Variants in ATP13A5 observed in about 807,000 individuals in gnomAD.
The protein encoded by ATP13A5 is probable cation-transporting ATPase 13A5.
In ATP13A5, 149 loss-of-function variants were observed where a neutral mutation model predicts 150.2. The observed-to-expected ratio is 0.99, with a 90% CI of 0.87 to 1.14. ATP13A5 has a LOEUF of 1.14. Among genes scored for constraint, ATP13A5 ranks in the 50% most tolerant of loss-of-function variants. The pLI, the probability that ATP13A5 is intolerant of heterozygous loss-of-function variation, is 0.00. For synonymous variants in ATP13A5, 497 were observed against 522.2 expected (o/e 0.95, Z 0.66); for missense variants, 1,383 against 1,449.3 (o/e 0.95, Z 0.74).
At chr3:193,300,818 G>T (rs1718367889) in intron 24 of ATP13A5, among the ~76,000 whole-genome samples, 1 of 152,094 alleles carries the variant, frequency 6.6e-6, no homozygotes, top group Admixed American at 6.6e-5. Context: ...TCCTTCAAAA[G>T]CAAATTCAAC....
At chr3:193,327,142 ATAT>A in intron 12 of ATP13A5, 85 bp from the exon 13 acceptor site, 1 of 1,190,510 alleles carries the variant, frequency 8.4e-7, no homozygotes, top group East Asian at 2.6e-5. Context: ...AGTTTCTAAG[ATAT>A]TATAGTAGAT....
intron 17 of ATP13A5, among the ~76,000 whole-genome samples, chr3:193,316,206 C>T (rs1719045551): frequency 6.6e-6 from 1 of 152,006 alleles, no homozygotes; most frequent in Non-Finnish European, 1.5e-5. Context: ...ATCCATTCAT[C>T]CAATGATGAA....
At chr3:193,334,492 G>A (rs988374541) in intron 10 of ATP13A5, among the ~76,000 whole-genome samples, 4 of 152,170 alleles carry the variant, frequency 2.6e-5, no homozygotes, top group East Asian at 1.9e-4. Flanking sequence ...TTTCAGATTC[G>A]TTGGCTTTAA....
At chr3:193,376,412 A>G (rs1032046018) in intron 1 of ATP13A5, among the ~76,000 whole-genome samples, 16 of 152,114 alleles carry the variant, frequency 1.1e-4, no homozygotes, top group African/African-American at 3.9e-4. Context: ...GGCTTTTGCT[A>G]TGTTAACCAG....
At chr3:193,317,634 C>T (rs1400539055) in intron 17 of ATP13A5, among the ~76,000 whole-genome samples, 1 of 152,054 alleles carries the variant, frequency 6.6e-6, no homozygotes, top group Non-Finnish European at 1.5e-5. Flanking sequence ...GAAAACTTTG[C>T]TAAATAGAAT....
intron 17 of ATP13A5, among the ~76,000 whole-genome samples, chr3:193,318,658 C>G (rs1054647265): frequency 3.9e-5 from 6 of 152,130 alleles, no homozygotes; most frequent in Middle Eastern, 3.2e-3. Context: ...ACATAATGCT[C>G]TGAGGTTGAA....
At position 193,347,172 on chromosome 3, in the gene ATP13A5, A is replaced by T. The variant is rs868446957; in HGVS notation, c.742-2097T>A. 4.6e-5 allele frequency among the ~76,000 whole-genome samples: 7 copies of T among 152,224 alleles called. 1 individual carries two copies. Among genetic ancestry groups the T allele is most frequent in the African/African-American group, 1.7e-4 (7 of 41,466 alleles). ...AAACCTGCAAGGCATCATAGAAGAA[A>T]TACACATGGTATATAAAATGGCTCA... On this transcript the variant is annotated intron_variant, in intron 7 of 29. Transcript: ENST00000342358.
chr3:193,354,264 T>A, intron 5 of ATP13A5, 68 bp from the exon 6 acceptor site: 2 of 1,353,964 alleles, frequency 1.5e-6, no homozygotes, highest in Middle Eastern at 1.8e-4. Flanking sequence ...CAGGCCAAAC[T>A]AAACAGAAGT....
At chr3:193,376,334 G>A (rs574175978) in intron 1 of ATP13A5, among the ~76,000 whole-genome samples, 48 of 152,224 alleles carry the variant, frequency 3.2e-4, no homozygotes, top group African/African-American at 6.7e-4. Context: ...TTTTCTCTGT[G>A]CCCTCACATG....
chr3:193,297,130 G>GA (rs1296517202), intron 25 of ATP13A5, among the ~76,000 whole-genome samples: 9 of 151,946 alleles, frequency 5.9e-5, no homozygotes, highest in Non-Finnish European at 1.3e-4. Context: ...ATTTGCAGCA[G>GA]AAAAAAGAAC....
chr3:193,345,399 AAG>A (rs1335441834), intron 7 of ATP13A5, among the ~76,000 whole-genome samples: 1 of 152,158 alleles, frequency 6.6e-6, no homozygotes, highest in Non-Finnish European at 1.5e-5. Context: ...TTAATTGAGG[AAG>A]AGAAAAAAAG....
intron 5 of ATP13A5, among the ~76,000 whole-genome samples, chr3:193,354,780 A>G (rs1417248381): frequency 6.6e-6 from 1 of 152,202 alleles, no homozygotes; most frequent in African/African-American, 2.4e-5. Context: ...GCATATTTCT[A>G]TACTATTTTA....
At chr3:193,304,996 G>A (rs1013454660) in intron 23 of ATP13A5, among the ~76,000 whole-genome samples, 3 of 137,212 alleles carry the variant, frequency 2.2e-5, no homozygotes, top group South Asian at 2.4e-4. Flanking sequence ...GAACAGCATC[G>A]GGGAAACTGC....
At chr3:193,354,264 T>G in intron 5 of ATP13A5, 68 bp from the exon 6 acceptor site, 1 of 1,353,966 alleles carries the variant, frequency 7.4e-7, no homozygotes. Flanking sequence ...CAGGCCAAAC[T>G]AAACAGAAGT....
At position 193,362,779 on chromosome 3, in the gene ATP13A5, T is replaced by C. The variant is rs201954628; in HGVS notation, c.385-142A>G. Reference sequence around the variant, plus strand: ...TTTCTTTCTTTCTTTCTTTCTTTCTTTCTTTCTTTCTTTCTTTCTTTCTTT... The same window carrying C: ...TTTCTTTCTTTCTTTCTTTCTTTCTCTCTTTCTTTCTTTCTTTCTTTCTTT... On this transcript the variant is annotated intron_variant, in intron 3 of 29. Coordinates refer to ENST00000342358, the MANE Select transcript of ATP13A5 (RefSeq NM_198505.4). The C allele has an allele frequency of 6.4e-4, 319 of 497,960 alleles. 7 individuals carry two copies. The highest frequency in any genetic ancestry group is 4.3e-3 in the African/African-American group (193 of 45,264). The allele number at this position is 497,960 out of a possible 1,614,324, so 30.8% of individuals were successfully genotyped here. A position where few individuals can be genotyped will look rare whatever the true frequency, so the allele number is the denominator to read the frequency against.
At chr3:193,345,678 TAA>T (rs968913374) in intron 7 of ATP13A5, among the ~76,000 whole-genome samples, 6 of 152,140 alleles carry the variant, frequency 3.9e-5, no homozygotes, top group African/African-American at 1.4e-4. Context: ...AACAGACGCA[TAA>T]GTTAGGTTTT....
intron 9 of ATP13A5, among the ~76,000 whole-genome samples, chr3:193,336,723 A>G (rs555864882): frequency 6.6e-6 from 1 of 152,342 alleles, no homozygotes; most frequent in Non-Finnish European, 1.5e-5. Flanking sequence ...TTATAGCAGC[A>G]TGATTTATAA....
intron 1 of ATP13A5, among the ~76,000 whole-genome samples, chr3:193,374,891 G>A (rs1175971274): frequency 6.6e-6 from 1 of 152,062 alleles, no homozygotes; most frequent in Non-Finnish European, 1.5e-5. Flanking sequence ...AGCAAGTTGG[G>A]ACCCCTCTTA....
intron 17 of ATP13A5, among the ~76,000 whole-genome samples, chr3:193,317,283 G>A (rs1388440112): frequency 1.3e-5 from 2 of 152,148 alleles, no homozygotes; most frequent in African/African-American, 4.8e-5. Flanking sequence ...TTTTTAAAAA[G>A]TCCTCTTAAC....
Sources: gnomAD v4.1 joint callset for allele counts (sites outside exome capture counted in the v4.1 genomes callset) on GRCh38, gnomAD v4.1.1 for gene constraint, MANE v1.5 for transcripts, NCBI Gene and HGNC (gene_info 2026-07-23, HGNC 2026-07-21) for gene names.